The following RALA variants were observed in gnomAD, a reference collection of about 807,000 sequenced individuals.
RALA encodes the protein RAS like proto-oncogene A.
A neutral mutation model predicts 24.0 loss-of-function variants in RALA; 5 were observed. That is an observed-to-expected ratio of 0.21 (90% confidence interval 0.11 to 0.44). The LOEUF (loss-of-function observed/expected upper bound fraction) is 0.44. RALA is among the 20% of genes least tolerant of loss of function. The pLI is 0.99. For missense variants in RALA, 95 were observed against 241.2 expected (o/e 0.39, Z 4.01); for synonymous variants, 77 against 83.8 (o/e 0.92, Z 0.44).
At chr7:39,705,705 A>G (rs1271329601) in intron 4 of RALA, among the ~76,000 whole-genome samples, 1 of 151,898 alleles carries the variant, frequency 6.6e-6, no homozygotes, top group Non-Finnish European at 1.5e-5. Flanking sequence ...AAGTTATGAA[A>G]TATAATCAAA....
intron 1 of RALA, among the ~76,000 whole-genome samples, chr7:39,645,430 T>C (rs1348824473): frequency 6.6e-6 from 1 of 152,186 alleles, no homozygotes; most frequent in Non-Finnish European, 1.5e-5. Flanking sequence ...CTGGGACACA[T>C]TGACAATTAT....
intron 1 of RALA, among the ~76,000 whole-genome samples, chr7:39,671,809 A>G (rs1429403328): frequency 2.6e-5 from 4 of 152,222 alleles, no homozygotes; most frequent in Non-Finnish European, 5.9e-5. Context: ...ATTCAGTACA[A>G]TTAGAGTAAC....
intron 1 of RALA, among the ~76,000 whole-genome samples, chr7:39,664,618 C>T (rs115972529): frequency 0.012 from 1,832 of 152,216 alleles, 41 homozygotes; most frequent in African/African-American, 0.042. Flanking sequence ...AATAGAGGAA[C>T]ATCATGAAAG....
At chr7:39,657,326 C>T (rs758140235) in intron 1 of RALA, among the ~76,000 whole-genome samples, 41 of 152,094 alleles carry the variant, frequency 2.7e-4, no homozygotes, top group Admixed American at 7.9e-4. Flanking sequence ...TAACTCTTAT[C>T]GAACCCTTAT....
chr7:39,699,676 T>C (rs1467074270), intron 4 of RALA, among the ~76,000 whole-genome samples: 1 of 152,228 alleles, frequency 6.6e-6, no homozygotes, highest in Non-Finnish European at 1.5e-5. Context: ...TACAGAGTGG[T>C]GTCTGTAGCT....
chr7:39,666,575 C>A (rs1181106635), intron 1 of RALA, among the ~76,000 whole-genome samples: 3 of 152,200 alleles, frequency 2.0e-5, no homozygotes, highest in Admixed American at 6.5e-5. Flanking sequence ...CTTACTTATA[C>A]AGGAAGGATC....
chr7:39,687,012 C>G (rs1792716169), intron 2 of RALA, among the ~76,000 whole-genome samples: 1 of 151,918 alleles, frequency 6.6e-6, no homozygotes, highest in Non-Finnish European at 1.5e-5. Context: ...AAACAGTACG[C>G]CTTTTTTTAG....
chr7:39,645,017 CTCTT>C (rs1257627861), intron 1 of RALA, among the ~76,000 whole-genome samples: 1 of 152,096 alleles, frequency 6.6e-6, no homozygotes, highest in Admixed American at 6.6e-5. Context: ...TTACTTTTTC[CTCTT>C]TCTTTACAGT....
At chr7:39,670,146 A>G (rs952803665) in intron 1 of RALA, among the ~76,000 whole-genome samples, 1 of 152,142 alleles carries the variant, frequency 6.6e-6, no homozygotes, top group African/African-American at 2.4e-5. Context: ...CTAAGCCTGC[A>G]TTATTATTAT....
rs572270007 is a variant in RALA at position 39,675,766 on chromosome 7, A to G, written c.-37-10865A>G. 1.9e-4 allele frequency among the ~76,000 whole-genome samples: 28 copies of G among 150,796 alleles called. No individual in the cohort carries two copies. The East Asian group carries it at 4.5e-3, about 24-fold the overall frequency. ...AAAAAAAAAAAAAAAAAAAAACTGTATATCTCCTTTTCTTGGTCATGTATA... is the reference window on the plus strand; with the variant it reads ...AAAAAAAAAAAAAAAAAAAAACTGTGTATCTCCTTTTCTTGGTCATGTATA... On this transcript the variant is annotated intron_variant, in intron 1 of 4. Transcript: ENST00000005257.
At chr7:39,696,323 G>T (rs548954577) in intron 3 of RALA, among the ~76,000 whole-genome samples, 2 of 152,290 alleles carry the variant, frequency 1.3e-5, no homozygotes, top group South Asian at 4.2e-4. Flanking sequence ...AATCCCAATT[G>T]AGAGACATTG....
intron 1 of RALA, among the ~76,000 whole-genome samples, chr7:39,641,882 A>G (rs1235495624): frequency 2.0e-5 from 3 of 152,202 alleles, no homozygotes; most frequent in South Asian, 2.1e-4. Context: ...AGTTGAACAG[A>G]TATCTTTGGA....
chr7:39,644,208 T>C (rs1791887534), intron 1 of RALA, among the ~76,000 whole-genome samples: 1 of 152,162 alleles, frequency 6.6e-6, no homozygotes, highest in Non-Finnish European at 1.5e-5. Flanking sequence ...TATGTTTTTT[T>C]TTTTTTTAAT....
At chr7:39,649,483 A>G (rs1791984519) in intron 1 of RALA, among the ~76,000 whole-genome samples, 1 of 152,162 alleles carries the variant, frequency 6.6e-6, no homozygotes, top group African/African-American at 2.4e-5. Context: ...GCAACTTTAT[A>G]AAAAGGCTAA....
intron 1 of RALA, among the ~76,000 whole-genome samples, chr7:39,645,412 T>C (rs1791907988): frequency 6.6e-6 from 1 of 152,206 alleles, no homozygotes; most frequent in Non-Finnish European, 1.5e-5. Context: ...GTTTTCTTAA[T>C]TCTTAAACTG....
chr7:39,648,897 A>G (rs1489436764), intron 1 of RALA, among the ~76,000 whole-genome samples: 4 of 152,172 alleles, frequency 2.6e-5, no homozygotes, highest in African/African-American at 9.7e-5. Context: ...AGTATCTACA[A>G]AAAATACAAA....
At position 39,678,683 on chromosome 7, in the gene RALA, C is replaced by T. The variant is rs186421624; in HGVS notation, c.-37-7948C>T. On this transcript the variant is annotated intron_variant, in intron 1 of 4. Coordinates refer to ENST00000005257, the MANE Select transcript of RALA (RefSeq NM_005402.4). ...CCTGTTCCTTTGAAGGGGAAAAATA[C>T]AAAGGCATGTACATGTGGATAAGTT... Among the ~76,000 whole-genome samples, 3 of 152,216 alleles carry T rather than the reference C, an allele frequency of 2.0e-5. No individual in the cohort carries two copies. In the East Asian group the frequency reaches 5.8e-4, roughly 29 times the overall value.
At chr7:39,635,191 G>A (rs146147857) in intron 1 of RALA, among the ~76,000 whole-genome samples, 204 of 152,072 alleles carry the variant, frequency 1.3e-3, no homozygotes, top group Middle Eastern at 6.8e-3. Context: ...AAAAAAATTA[G>A]CCAAGCATCT....
intron 1 of RALA, among the ~76,000 whole-genome samples, chr7:39,652,976 G>C (rs1409043176): frequency 1.3e-5 from 2 of 151,666 alleles, no homozygotes; most frequent in African/African-American, 4.9e-5. Context: ...ATGTTAGCCA[G>C]GCTTGTCTCA....
Sources: gnomAD v4.1 joint callset for allele counts (sites outside exome capture counted in the v4.1 genomes callset) on GRCh38, gnomAD v4.1.1 for gene constraint, MANE v1.5 for transcripts, NCBI Gene and HGNC (gene_info 2026-07-23, HGNC 2026-07-21) for gene names.